PPP4R2: variants seen among roughly 807,000 people sequenced by gnomAD.
The protein encoded by PPP4R2 is protein phosphatase 4 regulatory subunit 2, also known as serine/threonine-protein phosphatase 4 regulatory subunit 2.
A neutral mutation model predicts 47.2 loss-of-function variants in PPP4R2; 13 were observed. The ratio of observed to expected loss-of-function variants is 0.28; its 90% CI spans 0.18 to 0.44. The LOEUF (loss-of-function observed/expected upper bound fraction) is 0.44. Among genes scored for constraint, PPP4R2 ranks in the 20% least tolerant of loss-of-function variants. The probability of loss-of-function intolerance (pLI) is 1.00; values close to 1 mark genes in which losing one functional copy is unlikely to be tolerated. For synonymous variants in PPP4R2, 151 were observed against 163.3 expected (o/e 0.92, Z 0.57); for missense variants, 421 against 491.2 (o/e 0.86, Z 1.35).
chr3:73,044,388 C>T (rs1465351332), intron 2 of PPP4R2, among the ~76,000 whole-genome samples: 3 of 152,136 alleles, frequency 2.0e-5, no homozygotes, highest in Non-Finnish European at 4.4e-5. Context: ...AGTTCGAGAC[C>T]AGCCTGGCCA....
chr3:73,059,822 C>G (rs1702807381), intron 4 of PPP4R2, among the ~76,000 whole-genome samples: 1 of 151,726 alleles, frequency 6.6e-6, no homozygotes, highest in South Asian at 2.1e-4. Context: ...GTAATCCTAG[C>G]TACCCAGGAG....
At chr3:73,019,151 T>C (rs1186917044) in intron 2 of PPP4R2, among the ~76,000 whole-genome samples, 10 of 152,214 alleles carry the variant, frequency 6.6e-5, no homozygotes, top group African/African-American at 2.4e-4. Context: ...TACGAATACT[T>C]ACCATTACAG....
At chr3:73,010,548 T>C (rs1701701763) in intron 2 of PPP4R2, among the ~76,000 whole-genome samples, 1 of 144,704 alleles carries the variant, frequency 6.9e-6, no homozygotes, top group Non-Finnish European at 1.5e-5. Flanking sequence ...TATAATTTAC[T>C]TGTCTCTCTC....
At chr3:73,037,757 C>T (rs1400702663) in intron 2 of PPP4R2, among the ~76,000 whole-genome samples, 3 of 152,050 alleles carry the variant, frequency 2.0e-5, no homozygotes, top group African/African-American at 7.3e-5. Context: ...GTCCTGAGGC[C>T]CTTCCTTGTT....
intron 2 of PPP4R2, among the ~76,000 whole-genome samples, chr3:73,030,615 T>TC (rs903120006): frequency 6.6e-6 from 1 of 150,888 alleles, no homozygotes; most frequent in African/African-American, 2.4e-5. Context: ...TACGTTGATT[T>TC]TTTTTTTTTT....
chr3:72,997,122 C>T (rs1264400186), intron 1 of PPP4R2, 51 bp downstream of exon 1: 19 of 1,292,398 alleles, frequency 1.5e-5, no homozygotes, highest in Non-Finnish European at 1.8e-5. Context: ...CCGGCTCGCT[C>T]TTCTCTCCTT....
At chr3:73,005,115 G>C (rs1452705652) in intron 2 of PPP4R2, among the ~76,000 whole-genome samples, 1 of 151,964 alleles carries the variant, frequency 6.6e-6, no homozygotes, top group Non-Finnish European at 1.5e-5. Context: ...GCTAATTTTT[G>C]TATGTTTAGT....
Position 73,044,537 on chromosome 3 carries a change from G to C in PPP4R2, c.117-2649G>C, listed in dbSNP as rs181207922. On this transcript the variant is annotated intron_variant, in intron 2 of 8. Transcript: ENST00000356692. ...GGAGGCAGAGGTTGCAGTGAGCCGA[G>C]GTTGCACCACCACTCTCCAGCCCTG... 1.4e-3 allele frequency among the ~76,000 whole-genome samples: 208 copies of C among 152,292 alleles called. 1 individual carries two copies. The highest frequency in any genetic ancestry group is 2.5e-3 in the Non-Finnish European group (167 of 68,022).
intron 2 of PPP4R2, among the ~76,000 whole-genome samples, chr3:73,028,938 C>T (rs1240553470): frequency 6.6e-6 from 1 of 152,052 alleles, no homozygotes; most frequent in Non-Finnish European, 1.5e-5. Context: ...AAATCCAGAG[C>T]CGTCGCAGTT....
intron 2 of PPP4R2, among the ~76,000 whole-genome samples, chr3:73,033,576 C>T (rs913722179): frequency 6.6e-6 from 1 of 152,184 alleles, no homozygotes; most frequent in Non-Finnish European, 1.5e-5. Flanking sequence ...GCTAAATGTA[C>T]AGTTCAGTGG....
At chr3:73,032,282 ATTAT>A (rs1702179947) in intron 2 of PPP4R2, among the ~76,000 whole-genome samples, 1 of 150,358 alleles carries the variant, frequency 6.7e-6, no homozygotes, top group Admixed American at 6.6e-5. Context: ...CTGCTTTAAA[ATTAT>A]TTCTTTTTTT....
intron 2 of PPP4R2, among the ~76,000 whole-genome samples, chr3:73,003,176 C>G (rs1199458026): frequency 6.6e-6 from 1 of 151,370 alleles, no homozygotes; most frequent in Admixed American, 6.6e-5. Flanking sequence ...TTTTCTGTCT[C>G]CCTTGTCTGA....
chr3:72,997,123 TTC>T, intron 1 of PPP4R2, 52 bp downstream of exon 1: 2 of 1,287,954 alleles, frequency 1.6e-6, no homozygotes, highest in Non-Finnish European at 2.0e-6. Flanking sequence ...CGGCTCGCTC[TTC>T]TCTCCTTTCA....
intron 2 of PPP4R2, among the ~76,000 whole-genome samples, chr3:73,043,649 T>C (rs1702425443): frequency 6.6e-6 from 1 of 152,216 alleles, no homozygotes; most frequent in African/African-American, 2.4e-5. Flanking sequence ...GGGTGTGAAA[T>C]GGGTGGTTTT....
intron 5 of PPP4R2, chr3:73,062,175 A>C (rs1383249297): frequency 6.4e-7 from 1 of 1,555,108 alleles, no homozygotes; most frequent in Non-Finnish European, 8.7e-7. Context: ...TTTTAGACCT[A>C]TGATTCTTAA....
intron 3 of PPP4R2, among the ~76,000 whole-genome samples, chr3:73,053,139 A>G (rs1208545076): frequency 1.3e-5 from 2 of 152,156 alleles, no homozygotes; most frequent in South Asian, 2.1e-4. Flanking sequence ...CCTGGGGAAA[A>G]TAGGTTTTTG....
intron 2 of PPP4R2, among the ~76,000 whole-genome samples, chr3:73,019,913 C>G (rs969186602): frequency 2.6e-5 from 4 of 152,104 alleles, no homozygotes; most frequent in Non-Finnish European, 1.5e-5. Flanking sequence ...ATTTTCCACT[C>G]TATATTAGGG....
At chr3:73,053,994 T>A (rs1702676036) in intron 3 of PPP4R2, among the ~76,000 whole-genome samples, 1 of 151,174 alleles carries the variant, frequency 6.6e-6, no homozygotes, top group Non-Finnish European at 1.5e-5. Context: ...GGGGACAGAG[T>A]GTTGCTCTAT....
chr3:73,041,048 G>A (rs1702368341), intron 2 of PPP4R2, among the ~76,000 whole-genome samples: 1 of 152,140 alleles, frequency 6.6e-6, no homozygotes, highest in African/African-American at 2.4e-5. Flanking sequence ...TTCTTATAAT[G>A]GCTGTACTAT....
Sources: gnomAD v4.1 joint callset for allele counts (sites outside exome capture counted in the v4.1 genomes callset) on GRCh38, gnomAD v4.1.1 for gene constraint, MANE v1.5 for transcripts, NCBI Gene and HGNC (gene_info 2026-07-23, HGNC 2026-07-21) for gene names.